Variants in MTOR observed in about 807,000 individuals in gnomAD.
MTOR encodes mechanistic target of rapamycin kinase.
In MTOR, 70 loss-of-function variants were observed where a neutral mutation model predicts 319.8. The ratio of observed to expected loss-of-function variants is 0.22; its 90% CI spans 0.18 to 0.27. The LOEUF (loss-of-function observed/expected upper bound fraction) is 0.27, where lower values mean the gene tolerates loss of function less well. Among genes scored for constraint, MTOR ranks in the 10% least tolerant of loss-of-function variants. The probability of loss-of-function intolerance (pLI) is 1.00; values close to 1 mark genes in which losing one functional copy is unlikely to be tolerated. For synonymous variants in MTOR, 1,183 were observed against 1,211.4 expected (o/e 0.98, Z 0.49); for missense variants, 1,890 against 3,274.4 (o/e 0.58, Z 10.32).
chr1:11,170,575 AAAAG>A (rs1644781245), intron 28 of MTOR, among the ~76,000 whole-genome samples: 3 of 151,828 alleles, frequency 2.0e-5, no homozygotes, highest in Admixed American at 6.6e-5. Context: ...ATAATAAAAA[AAAAG>A]AAAGCCAGTA....
At chr1:11,119,902 G>A (rs1356217365) in intron 49 of MTOR, among the ~76,000 whole-genome samples, 4 of 151,488 alleles carry the variant, frequency 2.6e-5, no homozygotes, top group African/African-American at 9.7e-5. Context: ...GCCCCCATCG[G>A]ATCCCAAAAT....
Position 11,128,924 on chromosome 1 carries a change from A to C in MTOR, c.5742T>G (p.Gly1914=), listed in dbSNP as rs1425325751. The C allele has an allele frequency of 6.2e-7, 1 of 1,613,816 alleles. No individual in the cohort carries two copies. Among genetic ancestry groups the C allele is most frequent in the Non-Finnish European group, 8.5e-7 (1 of 1,179,872 alleles). The change falls in exon 41 of 58, where the codon GGT becomes GGG. Residue 1914 remains glycine, a synonymous_variant. Coordinates refer to ENST00000361445, the MANE Select transcript of MTOR (RefSeq NM_004958.4). The surrounding 1 kb of genome is among the most constrained non-coding windows in gnomAD (Gnocchi z 5.3). ...LRVLTLWFDY[G]HWPDVNEALV... ...AGGCCTCATTGACATCTGGCCAGTG[A>C]CCATAATCAAACCATAAGGTGAGAA...
chr1:11,111,034 A>C (rs1271632044), intron 54 of MTOR: 1 of 445,172 alleles, frequency 2.2e-6, no homozygotes, highest in Non-Finnish European at 4.5e-6. Context: ...AAGCTCCCCC[A>C]GAGACTGTGT....
intron 19 of MTOR, among the ~76,000 whole-genome samples, chr1:11,224,922 A>G (rs1646781392): frequency 6.6e-6 from 1 of 152,192 alleles, no homozygotes; most frequent in Non-Finnish European, 1.5e-5. Context: ...ATGAACCTCA[A>G]AAGTTTTAAG....
At chr1:11,186,315 TAGA>T (rs936830870) in intron 28 of MTOR, among the ~76,000 whole-genome samples, 5 of 152,094 alleles carry the variant, frequency 3.3e-5, no homozygotes, top group Admixed American at 2.0e-4. Context: ...CCTCTCTGGA[TAGA>T]AGGAGAGACC....
intron 30 of MTOR, among the ~76,000 whole-genome samples, chr1:11,154,571 T>A (rs1158404674): frequency 6.6e-6 from 1 of 152,140 alleles, no homozygotes; most frequent in African/African-American, 2.4e-5. Flanking sequence ...TCACTAACAT[T>A]AAATTTTCAT....
chr1:11,161,235 G>A (rs996922322), intron 29 of MTOR, among the ~76,000 whole-genome samples: 7 of 152,206 alleles, frequency 4.6e-5, no homozygotes, highest in Admixed American at 6.5e-5. Flanking sequence ...CGAGGCTGGC[G>A]GAGGGGTGCC....
rs184992398 is a variant in MTOR, at chr1:11,239,820, G to A, written c.1786+483C>T. On this transcript the variant is annotated intron_variant, in intron 11 of 57. Transcript: ENST00000361445. ...CTCGGGAGGCTGTGGCAGGAGAATC[G>A]CTTGAACCCAGGAGGCAGAGGTTGC... 1.2e-3 allele frequency among the ~76,000 whole-genome samples: 184 copies of A among 151,148 alleles called. 1 individual carries two copies. Among genetic ancestry groups the A allele is most frequent in the African/African-American group, 4.2e-3 (171 of 41,092 alleles).
At position 11,217,226 on chromosome 1, in the gene MTOR, A is replaced by G. The variant is rs954885048; in HGVS notation, c.3031-992T>C. ...TACCTTTTAGGTGTAGGAAGAAAAA[A>G]CATGCACTAAATAAAGCTGGGAATA... On this transcript the variant is annotated intron_variant, in intron 19 of 57. Transcript: ENST00000361445. Among the ~76,000 whole-genome samples, 4 of 152,182 alleles carry G rather than the reference A, an allele frequency of 2.6e-5. 1 individual carries two copies. In the South Asian group the frequency reaches 8.3e-4, roughly 32 times the overall value.
intron 8 of MTOR, among the ~76,000 whole-genome samples, chr1:11,244,177 A>G (rs1368432488): frequency 1.3e-5 from 2 of 151,648 alleles, no homozygotes; most frequent in African/African-American, 2.4e-5. Flanking sequence ...CTGTAATCCT[A>G]GCTACTCAGG....
chr1:11,241,087 C>T (rs957445515), intron 10 of MTOR, among the ~76,000 whole-genome samples: 8 of 151,620 alleles, frequency 5.3e-5, no homozygotes, highest in East Asian at 1.9e-4. Flanking sequence ...CTTTGGGAGC[C>T]GAGGTGGGCG....
chr1:11,239,317 G>A (rs557608653), intron 11 of MTOR, among the ~76,000 whole-genome samples: 1 of 152,116 alleles, frequency 6.6e-6, no homozygotes, highest in Admixed American at 6.6e-5. Context: ...ACCAGACAAA[G>A]AGTCTGTGTA....
rs913197212 is a variant in MTOR at position 11,238,533 on chromosome 1, C to T, written c.1871G>A (p.Arg624His). The T allele has an allele frequency of 1.4e-5, 22 of 1,614,034 alleles. No homozygotes were observed. Among genetic ancestry groups the T allele is most frequent in the Non-Finnish European group, 6.8e-6 (8 of 1,180,022 alleles). Residue 624 changes from arginine to histidine, a missense_variant, in exon 12 of 58, where the codon CGC becomes CAC. Arg to His is a conservative substitution (Grantham distance 29, BLOSUM62 0). Coordinates refer to ENST00000361445, the MANE Select transcript of MTOR (RefSeq NM_004958.4). Reference protein sequence around the residue: ...EHKEIRMEAARTCSRLLTPSI... With the variant: ...EHKEIRMEAAHTCSRLLTPSI... ...GGGTGTGAGCAGGCGGGAGCAGGTG[C>T]GGGCAGCCTCCATGCGGATCTCCTT... is the stretch of plus-strand genomic sequence containing the variant.
At chr1:11,234,015 T>C (rs554391296) in intron 14 of MTOR, 128 bp downstream of exon 14, 3 of 1,388,528 alleles carry the variant, frequency 2.2e-6, no homozygotes, top group Non-Finnish European at 3.0e-6. Flanking sequence ...CCCTTTGGTC[T>C]CCAAGCGTGA....
intron 28 of MTOR, chr1:11,189,517 C>A: frequency 1.3e-6 from 2 of 1,520,544 alleles, no homozygotes; most frequent in East Asian, 2.3e-5. Context: ...GCTTTGCAGA[C>A]CTCAGCTGGG....
Position 11,144,150 on chromosome 1 carries a change from A to G in MTOR, c.4872+498T>C, listed in dbSNP as rs866443424. ...GAGAACCTAAGGCAACCCCATCTGA[A>G]AAGCTGGTGCAGGTGGCCTCCAAGT... On this transcript the variant is annotated intron_variant, in intron 34 of 57. Transcript: ENST00000361445. 3.5e-4 allele frequency among the ~76,000 whole-genome samples: 53 copies of G among 152,192 alleles called. 1 individual carries two copies. The highest frequency in any genetic ancestry group is 1.9e-3 in the Admixed American group (29 of 15,272).
In MTOR at chr1:11,231,454, C is replaced by T. The variant is rs368572345; in HGVS notation, c.2515-20G>A. ...AGCCACCTGGATAGGCACAAGAACA[C>T]GATTCAATGAGCCAGTACGAGAGAA... On this transcript the variant is annotated intron_variant, in intron 16 of 57. Transcript: ENST00000361445. 1.5e-5 allele frequency: 24 copies of T among 1,612,702 alleles called. No individual in the cohort carries two copies. Among genetic ancestry groups the T allele is most frequent in the East Asian group, 2.2e-5 (1 of 44,892 alleles).
intron 50 of MTOR, 105 bp downstream of exon 50, chr1:11,116,899 T>C (rs1642195919): frequency 2.3e-6 from 2 of 853,038 alleles, no homozygotes; most frequent in Non-Finnish European, 3.8e-6. Context: ...AATACCAATA[T>C]TTATTTACCA....
At chr1:11,240,986 C>G (rs1468302797) in intron 10 of MTOR, among the ~76,000 whole-genome samples, 1 of 151,752 alleles carries the variant, frequency 6.6e-6, no homozygotes, top group Non-Finnish European at 1.5e-5. Flanking sequence ...CACAGCAACC[C>G]TAGGCAATAA....
Sources: gnomAD v4.1 joint callset for allele counts (sites outside exome capture counted in the v4.1 genomes callset) on GRCh38, gnomAD v4.1.1 for gene constraint, Gnocchi (gnomAD v3.1) non-coding constraint, MANE v1.5 for transcripts, NCBI Gene and HGNC (gene_info 2026-07-23, HGNC 2026-07-21) for gene names.